DIP2B: variants seen among roughly 807,000 people sequenced by gnomAD.
The protein encoded by DIP2B is disco-interacting protein 2 homolog B.
A neutral mutation model predicts 198.0 loss-of-function variants in DIP2B; 76 were observed. That is an observed-to-expected ratio of 0.38 (90% CI 0.32 to 0.46). The LOEUF (loss-of-function observed/expected upper bound fraction) is 0.46, where lower values mean the gene tolerates loss of function less well. Among genes scored for constraint, DIP2B ranks in the 20% least tolerant of loss-of-function variants. DIP2B has a pLI of 0.99. For missense variants in DIP2B, 1,559 were observed against 1,978.4 expected, an observed-to-expected ratio of 0.79 and a Z score of 4.02; for synonymous variants, 701 against 739.1, an observed-to-expected ratio of 0.95 and a Z score of 0.84.
intron 3 of DIP2B, among the ~76,000 whole-genome samples, chr12:50,653,728 CTT>C: frequency 6.6e-6 from 1 of 151,244 alleles, no homozygotes; most frequent in East Asian, 1.9e-4. Flanking sequence ...TTTGAATCTT[CTT>C]TTTTTTTCTC....
chr12:50,635,129 A>G (rs944654469), intron 2 of DIP2B, among the ~76,000 whole-genome samples: 3 of 152,260 alleles, frequency 2.0e-5, no homozygotes, highest in African/African-American at 7.2e-5. Flanking sequence ...AACAACAGAA[A>G]TGAGCAGAAA....
chr12:50,687,929 T>C (rs2139543656), intron 12 of DIP2B, among the ~76,000 whole-genome samples: 1 of 150,464 alleles, frequency 6.6e-6, no homozygotes, highest in South Asian at 2.1e-4. Flanking sequence ...AAAGAGAGGC[T>C]GGGGTGGGAC....
At chr12:50,703,653 C>T (rs1399551528) in intron 19 of DIP2B, among the ~76,000 whole-genome samples, 1 of 152,068 alleles carries the variant, frequency 6.6e-6, no homozygotes, top group African/African-American at 2.4e-5. Context: ...CAGAGTACTC[C>T]ATTAAGTGGC....
chr12:50,698,537 AT>A lies in DIP2B; in HGVS notation c.2188+71del, dbSNP rs1287277372. On this transcript the variant is annotated intron_variant, in intron 18 of 37. Transcript: ENST00000301180. ...ATCAGAGATAATAGAGCCTGATAAAATACAGAATCCCAAACGAGGAACCCTT... is the reference window on the plus strand; with the variant it reads ...ATCAGAGATAATAGAGCCTGATAAAAACAGAATCCCAAACGAGGAACCCTT... 10 of 1,541,886 alleles carry A rather than the reference AT, an allele frequency of 6.5e-6. No homozygotes were observed. In the East Asian group the frequency reaches 1.8e-4, roughly 28 times the overall value.
intron 22 of DIP2B, among the ~76,000 whole-genome samples, chr12:50,713,579 C>CT (rs1478311807): frequency 6.6e-6 from 1 of 152,168 alleles, no homozygotes; most frequent in Non-Finnish European, 1.5e-5. Flanking sequence ...GCTCGGTGTG[C>CT]TATGGGCCTC....
At chr12:50,721,006 G>A (rs924183176) in intron 25 of DIP2B, among the ~76,000 whole-genome samples, 1 of 152,014 alleles carries the variant, frequency 6.6e-6, no homozygotes, top group East Asian at 1.9e-4. Context: ...AGGAGATCTT[G>A]CTGTGTTGCC....
chr12:50,570,458 C>G (rs1958603023), intron 1 of DIP2B, among the ~76,000 whole-genome samples: 1 of 152,232 alleles, frequency 6.6e-6, no homozygotes, highest in Non-Finnish European at 1.5e-5. Flanking sequence ...TACCTGTAAT[C>G]TCAGCACTTT....
At chr12:50,566,793 C>G (rs1455667554) in intron 1 of DIP2B, among the ~76,000 whole-genome samples, 1 of 151,980 alleles carries the variant, frequency 6.6e-6, no homozygotes, top group African/African-American at 2.4e-5. Flanking sequence ...CACGGTGAAA[C>G]CCCGTCTCTA....
chr12:50,636,157 C>T (rs1430172756), intron 2 of DIP2B, among the ~76,000 whole-genome samples: 6 of 152,126 alleles, frequency 3.9e-5, no homozygotes, highest in Non-Finnish European at 5.9e-5. Flanking sequence ...AACTTAAAAC[C>T]AGTTTTTGAA....
intron 37 of DIP2B, among the ~76,000 whole-genome samples, chr12:50,744,251 G>C (rs1940307814): frequency 6.6e-6 from 1 of 152,092 alleles, no homozygotes; most frequent in Non-Finnish European, 1.5e-5. Flanking sequence ...ATCCGCCCAT[G>C]TCGGCCTCCC....
chr12:50,706,249 T>C (rs916918960), intron 20 of DIP2B, among the ~76,000 whole-genome samples: 34 of 152,196 alleles, frequency 2.2e-4, no homozygotes, highest in African/African-American at 7.2e-4. Flanking sequence ...TCAGCTATGC[T>C]TGGGTGGAAT....
chr12:50,611,140 G>C (rs903168176), intron 1 of DIP2B, among the ~76,000 whole-genome samples: 2 of 152,146 alleles, frequency 1.3e-5, no homozygotes, highest in Admixed American at 6.6e-5. Context: ...ACAAATTAAA[G>C]AGAGAAAGGA....
intron 34 of DIP2B, 46 bp downstream of exon 34, chr12:50,735,176 G>C: frequency 6.2e-7 from 1 of 1,608,184 alleles, no homozygotes; most frequent in Non-Finnish European, 8.5e-7. Context: ...GTGTGGAGAA[G>C]TGGTTCAGTT....
chr12:50,508,790 C>T (rs1325311254), intron 1 of DIP2B, among the ~76,000 whole-genome samples: 2 of 151,790 alleles, frequency 1.3e-5, no homozygotes, highest in Non-Finnish European at 2.9e-5. Context: ...ACTGCAACCT[C>T]TGCCTCCCGG....
At chr12:50,551,304 A>G (rs908943845) in intron 1 of DIP2B, among the ~76,000 whole-genome samples, 6 of 152,004 alleles carry the variant, frequency 3.9e-5, no homozygotes, top group African/African-American at 1.4e-4. Flanking sequence ...CGTGCTGGTA[A>G]TCCCAGCTAC....
intron 2 of DIP2B, among the ~76,000 whole-genome samples, chr12:50,636,430 A>G (rs948794600): frequency 3.3e-5 from 5 of 152,226 alleles, no homozygotes; most frequent in Non-Finnish European, 7.3e-5. Flanking sequence ...ATTGGAGCAC[A>G]CATTGCAATT....
chr12:50,544,937 G>A (rs1958363088), intron 1 of DIP2B, among the ~76,000 whole-genome samples: 1 of 152,020 alleles, frequency 6.6e-6, no homozygotes, highest in South Asian at 2.1e-4. Context: ...CTTAAAAGCT[G>A]GAGTAGTACC....
rs940028829 is a variant in DIP2B at position 50,689,824 on chromosome 12, A to G, written c.1552-1225A>G. Among the ~76,000 whole-genome samples, 7 of 152,188 alleles carry G rather than the reference A, an allele frequency of 4.6e-5. No individual in the cohort carries two copies. The South Asian group carries it at 1.5e-3, about 32-fold the overall frequency. Reference sequence around the variant, plus strand: ...GGAGAATATGGAGGAGCAGTGGGAGAGAGACAGACACACAGAGACAGAGAC... The same window carrying G: ...GGAGAATATGGAGGAGCAGTGGGAGGGAGACAGACACACAGAGACAGAGAC... On this transcript the variant is annotated intron_variant, in intron 12 of 37. Coordinates refer to ENST00000301180, the MANE Select transcript of DIP2B (RefSeq NM_173602.3).
intron 3 of DIP2B, chr12:50,655,155 AC>A (rs1369387572): frequency 2.8e-6 from 1 of 361,238 alleles, no homozygotes; most frequent in Non-Finnish European, 5.5e-6. Flanking sequence ...AGTTGAATAA[AC>A]TGTGTACAGT....
Sources: gnomAD v4.1 joint callset for allele counts (sites outside exome capture counted in the v4.1 genomes callset) on GRCh38, gnomAD v4.1.1 for gene constraint, MANE v1.5 for transcripts, NCBI Gene and HGNC (gene_info 2026-07-23, HGNC 2026-07-21) for gene names.